Variants in OPCML observed in about 807,000 individuals in gnomAD.
OPCML encodes opioid binding protein/cell adhesion molecule like.
In OPCML, 13 loss-of-function variants were observed where a neutral mutation model predicts 37.8. The ratio of observed to expected loss-of-function variants is 0.34; its 90% CI spans 0.22 to 0.55. OPCML has a LOEUF of 0.55. Among genes scored for constraint, OPCML ranks in the 20% least tolerant of loss-of-function variants. The pLI, the probability that OPCML is intolerant of heterozygous loss-of-function variation, is 0.91. For synonymous variants in OPCML, 176 were observed against 168.8 expected (o/e 1.04, Z -0.33); for missense variants, 341 against 435.6 (o/e 0.78, Z 1.93).
At chr11:133,004,377 C>A in intron 1 of OPCML, 1 of 985,476 alleles carries the variant, frequency 1.0e-6, no homozygotes, top group Non-Finnish European at 1.2e-6. Flanking sequence ...GTTCTGCTCT[C>A]TCTTCAGAGG....
At chr11:133,001,375 T>C (rs760213750) in intron 1 of OPCML, among the ~76,000 whole-genome samples, 2 of 152,214 alleles carry the variant, frequency 1.3e-5, no homozygotes, top group Non-Finnish European at 2.9e-5. Flanking sequence ...AACTGGTCTC[T>C]GGTTTTTAAG....
At chr11:132,550,904 T>G (rs2096380108) in intron 3 of OPCML, among the ~76,000 whole-genome samples, 1 of 152,254 alleles carries the variant, frequency 6.6e-6, no homozygotes, top group South Asian at 2.1e-4. Flanking sequence ...ACCTTCTAGT[T>G]AAAATTTATT....
At chr11:133,209,002 T>C (rs1939238130) in intron 1 of OPCML, among the ~76,000 whole-genome samples, 1 of 152,202 alleles carries the variant, frequency 6.6e-6, no homozygotes, top group Non-Finnish European at 1.5e-5. Context: ...TCTCTTCACA[T>C]GACCAATTCC....
chr11:133,340,448 A>C (rs1943840121), intron 1 of OPCML, among the ~76,000 whole-genome samples: 1 of 151,960 alleles, frequency 6.6e-6, no homozygotes, highest in African/African-American at 2.4e-5. Flanking sequence ...ACTTTTCCCC[A>C]CCTCCTCTTT....
intron 1 of OPCML, among the ~76,000 whole-genome samples, chr11:133,052,896 C>A (rs933291296): frequency 5.3e-5 from 8 of 152,188 alleles, no homozygotes; most frequent in Non-Finnish European, 2.9e-5. Context: ...ACCATTTGAG[C>A]CCCTGAATCC....
chr11:133,214,941 C>T (rs1939521627), intron 1 of OPCML, among the ~76,000 whole-genome samples: 1 of 152,112 alleles, frequency 6.6e-6, no homozygotes, highest in South Asian at 2.1e-4. Flanking sequence ...GCACCCAGAG[C>T]ATATAAATAG....
At chr11:133,444,366 A>C (rs1946428571) in intron 1 of OPCML, among the ~76,000 whole-genome samples, 1 of 152,234 alleles carries the variant, frequency 6.6e-6, no homozygotes, top group Non-Finnish European at 1.5e-5. Flanking sequence ...CTCTTATACA[A>C]ATATTAAGTG....
chr11:133,279,198 C>T (rs1297670704), intron 1 of OPCML, among the ~76,000 whole-genome samples: 1 of 152,186 alleles, frequency 6.6e-6, no homozygotes, highest in African/African-American at 2.4e-5. Context: ...TGCATTCACA[C>T]AGATAATTTT....
At chr11:133,160,715 G>C (rs528880445) in intron 1 of OPCML, among the ~76,000 whole-genome samples, 126 of 152,316 alleles carry the variant, frequency 8.3e-4, no homozygotes, top group African/African-American at 3.0e-3. Flanking sequence ...CCTGGTGAGG[G>C]ACCCCTCCAG....
At chr11:133,027,582 T>C (rs2136915945) in intron 1 of OPCML, among the ~76,000 whole-genome samples, 1 of 143,784 alleles carries the variant, frequency 7.0e-6, no homozygotes, top group South Asian at 2.3e-4. Context: ...TGGTGTGTTA[T>C]GTGTGGTGTA....
intron 4 of OPCML, among the ~76,000 whole-genome samples, chr11:132,489,330 C>T (rs1055512138): frequency 4.6e-5 from 7 of 152,012 alleles, no homozygotes; most frequent in African/African-American, 1.7e-4. Context: ...TGGGATCCCT[C>T]CTGAAGGACC....
chr11:132,657,343 G>A (rs781507224), intron 2 of OPCML, 24 bp from the exon 3 acceptor site: 83 of 1,611,978 alleles, frequency 5.1e-5, no homozygotes, highest in African/African-American at 6.7e-5. Context: ...GGGAGTGGTG[G>A]AGGGAGGAAG....
At chr11:132,952,251 A>T (rs922902267) in intron 1 of OPCML, among the ~76,000 whole-genome samples, 5 of 152,054 alleles carry the variant, frequency 3.3e-5, no homozygotes, top group Non-Finnish European at 7.4e-5. Context: ...GCTTTAGTGA[A>T]CTCAAAATGT....
At chr11:133,290,961 T>C (rs1565552777) in intron 1 of OPCML, among the ~76,000 whole-genome samples, 1 of 152,220 alleles carries the variant, frequency 6.6e-6, no homozygotes, top group Non-Finnish European at 1.5e-5. Flanking sequence ...CAAGGTGTGT[T>C]TTCAGACATC....
At chr11:132,628,720 C>T (rs542608986) in intron 3 of OPCML, among the ~76,000 whole-genome samples, 4 of 152,212 alleles carry the variant, frequency 2.6e-5, no homozygotes, top group East Asian at 3.9e-4. Context: ...ATAATCCCCA[C>T]GTGTCGTGGG....
At chr11:133,373,776 C>T (rs1944738324) in intron 1 of OPCML, among the ~76,000 whole-genome samples, 2 of 152,132 alleles carry the variant, frequency 1.3e-5, no homozygotes, top group South Asian at 4.1e-4. Flanking sequence ...ATGTAACATT[C>T]TATAAGCTGC....
At chr11:133,168,051 T>C (rs1950237043) in intron 1 of OPCML, among the ~76,000 whole-genome samples, 1 of 152,212 alleles carries the variant, frequency 6.6e-6, no homozygotes, top group African/African-American at 2.4e-5. Context: ...TGTCAATGAA[T>C]TCCCATGGGA....
At chr11:133,382,048 C>T (rs1944941140) in intron 1 of OPCML, among the ~76,000 whole-genome samples, 1 of 152,212 alleles carries the variant, frequency 6.6e-6, no homozygotes, top group Non-Finnish European at 1.5e-5. Context: ...CAGGCTCTTG[C>T]AGGCTGTCTC....
chr11:132,483,730 T>C (rs1423436022), intron 4 of OPCML, among the ~76,000 whole-genome samples: 5 of 151,840 alleles, frequency 3.3e-5, no homozygotes, highest in Admixed American at 3.3e-4. Context: ...TATAGATCAA[T>C]GGAACAGAAC....
Sources: allele counts gnomAD v4.1 joint callset (sites outside exome capture counted in the v4.1 genomes callset), GRCh38; gene constraint gnomAD v4.1.1; transcripts MANE v1.5; gene names NCBI Gene and HGNC (gene_info 2026-07-23, HGNC 2026-07-21).